GRM8: variants seen among roughly 807,000 people sequenced by gnomAD.
GRM8 encodes the protein metabotropic glutamate receptor 8.
Under a neutral mutation model 87.2 loss-of-function variants are expected in GRM8, and 47 were observed. The ratio of observed to expected loss-of-function variants is 0.54; its 90% CI spans 0.43 to 0.69. GRM8 has a LOEUF of 0.69. GRM8 is among the 30% of genes least tolerant of loss of function. The pLI is 0.00. For missense variants in GRM8, 1,019 were observed against 1,139.2 expected (o/e 0.89, Z 1.52); for synonymous variants, 396 against 404.5 (o/e 0.98, Z 0.25).
chr7:127,002,391 T>C (rs1490309118), intron 3 of GRM8, among the ~76,000 whole-genome samples: 1 of 151,400 alleles, frequency 6.6e-6, no homozygotes, highest in Admixed American at 6.6e-5. Context: ...CCAGAAAAAA[T>C]TTCTTCCTCC....
At chr7:126,872,417 C>T (rs28597738) in intron 6 of GRM8, among the ~76,000 whole-genome samples, 3,763 of 152,150 alleles carry the variant, frequency 0.025, 164 homozygotes, top group African/African-American at 0.085. Flanking sequence ...CTTCCCACCA[C>T]CAAAAGGAAT....
chr7:126,585,366 CACAATCTTCATAAGG>C (rs906571080), intron 8 of GRM8, among the ~76,000 whole-genome samples: 1 of 152,076 alleles, frequency 6.6e-6, no homozygotes, highest in Non-Finnish European at 1.5e-5. Context: ...TTCGTATCAT[CACAATCTTCATAAGG>C]TTTGTCCATT....
At chr7:127,152,891 C>A (rs1792485758) in intron 2 of GRM8, among the ~76,000 whole-genome samples, 1 of 152,168 alleles carries the variant, frequency 6.6e-6, no homozygotes, top group African/African-American at 2.4e-5. Flanking sequence ...AGTTTGGAAC[C>A]ACTTGTCAGT....
At chr7:127,155,599 A>G (rs991017593) in intron 2 of GRM8, among the ~76,000 whole-genome samples, 1 of 152,154 alleles carries the variant, frequency 6.6e-6, no homozygotes, top group African/African-American at 2.4e-5. Flanking sequence ...TTGGAACCAT[A>G]TTGAACCATG....
At position 126,544,913 on chromosome 7, in the gene GRM8, C is replaced by A. The variant is rs148640545; in HGVS notation, c.1495-11026G>T. On this transcript the variant is annotated intron_variant, in intron 8 of 10. Coordinates refer to ENST00000339582, the MANE Select transcript of GRM8 (RefSeq NM_000845.3). ...GAAAAGATATCCACGCTCTACCCAT[C>A]ATTAAATACAGCTGGTCTGTCTAAA... Among the ~76,000 whole-genome samples the A allele has an allele frequency of 4.2e-3, 645 of 152,286 alleles. 2 individuals carry two copies. The highest frequency in any genetic ancestry group is 0.015 in the African/African-American group (624 of 41,566).
rs146163458 is a variant in GRM8, at chr7:126,511,163, T to C, written c.2430+21789A>G. On this transcript the variant is annotated intron_variant, in intron 9 of 10. Coordinates refer to ENST00000339582, the MANE Select transcript of GRM8 (RefSeq NM_000845.3). ...AGTACTGCCAGTAGCAGCTATCCCA[T>C]GGTCTTCACGTAGTTGGGAGACTCA... is the stretch of plus-strand genomic sequence containing the variant. 2.2e-4 allele frequency: 34 copies of C among 152,278 alleles called. No individual in the cohort carries two copies. In the East Asian group the frequency reaches 5.8e-3, roughly 26 times the overall value. 9.4% of individuals were successfully genotyped at this position (152,278 alleles called of 1,614,324 possible).
chr7:126,553,001 T>A (rs762402338), intron 8 of GRM8, among the ~76,000 whole-genome samples: 2 of 152,052 alleles, frequency 1.3e-5, no homozygotes, highest in Non-Finnish European at 2.9e-5. Flanking sequence ...AATGGATGAA[T>A]CCATATAAAG....
At chr7:127,174,130 A>G (rs966531656) in intron 2 of GRM8, among the ~76,000 whole-genome samples, 3 of 152,124 alleles carry the variant, frequency 2.0e-5, no homozygotes, top group African/African-American at 4.8e-5. Context: ...TCTATCCACA[A>G]TTGACTACAA....
intron 2 of GRM8, among the ~76,000 whole-genome samples, chr7:127,204,260 T>C (rs1467135240): frequency 6.6e-6 from 1 of 152,210 alleles, no homozygotes; most frequent in Non-Finnish European, 1.5e-5. Flanking sequence ...TGCATTATTA[T>C]ACATATCTAA....
intron 2 of GRM8, among the ~76,000 whole-genome samples, chr7:127,119,148 G>C (rs1227467830): frequency 6.6e-6 from 1 of 152,238 alleles, no homozygotes; most frequent in African/African-American, 2.4e-5. Flanking sequence ...CCCAAGTTCA[G>C]AGAGAGCACA....
chr7:127,099,094 A>C (rs1824970900), intron 3 of GRM8, among the ~76,000 whole-genome samples: 2 of 152,238 alleles, frequency 1.3e-5, no homozygotes, highest in Non-Finnish European at 2.9e-5. Flanking sequence ...GAACCTGTCT[A>C]AAGACTAAAG....
chr7:127,070,737 G>A (rs1337688505), intron 3 of GRM8, among the ~76,000 whole-genome samples: 1 of 152,144 alleles, frequency 6.6e-6, no homozygotes, highest in Non-Finnish European at 1.5e-5. Context: ...ATTCTGAACT[G>A]AAGGGACTAT....
chr7:126,482,953 G>T (rs1471886572), intron 9 of GRM8, among the ~76,000 whole-genome samples: 1 of 151,218 alleles, frequency 6.6e-6, no homozygotes, highest in African/African-American at 2.4e-5. Flanking sequence ...CATGATTTTG[G>T]TTTTTAAACT....
rs1349367140 is a variant in GRM8, at chr7:126,445,944, C to T, written c.2677+182G>A. 1.2e-4 allele frequency: 79 copies of T among 669,382 alleles called. 1 individual carries two copies. The South Asian group carries it at 1.3e-3, about 11-fold the overall frequency. 41.5% of individuals were successfully genotyped at this position (669,382 alleles called of 1,614,324 possible). Reference sequence around the variant, plus strand: ...GCAAGTTTGTACTCTGTAGAACAGCCGCTCATCTTGAGACCATTTGCTTCG... The same window carrying T: ...GCAAGTTTGTACTCTGTAGAACAGCTGCTCATCTTGAGACCATTTGCTTCG... On this transcript the variant is annotated intron_variant, in intron 10 of 10. Coordinates refer to ENST00000339582, the MANE Select transcript of GRM8 (RefSeq NM_000845.3).
chr7:126,973,213 C>T (rs1391044726), intron 3 of GRM8, among the ~76,000 whole-genome samples: 1 of 152,142 alleles, frequency 6.6e-6, no homozygotes. Context: ...GCAGTAGGGC[C>T]CCAAAATTTG....
At chr7:127,211,694 A>G (rs1796219063) in intron 2 of GRM8, among the ~76,000 whole-genome samples, 1 of 152,066 alleles carries the variant, frequency 6.6e-6, no homozygotes, top group South Asian at 2.1e-4. Flanking sequence ...GAACAAGTTT[A>G]CCCCCGCTTT....
At chr7:126,956,228 T>C (rs1240047660) in intron 3 of GRM8, among the ~76,000 whole-genome samples, 1 of 152,204 alleles carries the variant, frequency 6.6e-6, no homozygotes, top group Non-Finnish European at 1.5e-5. Flanking sequence ...AACATGCATA[T>C]ATGACCACCT....
Position 127,001,864 on chromosome 7 carries a change from ATAGAG to A in GRM8, c.728-97186_728-97182del, listed in dbSNP as rs150192191. ...AATACTACTAGGCAATGATAAGAGA[ATAGAG>A]TATTGTTATTATCATTACATGCAAT... On this transcript the variant is annotated intron_variant, in intron 3 of 10. Transcript: ENST00000339582. 9.0e-3 allele frequency among the ~76,000 whole-genome samples: 1,366 copies of A among 151,828 alleles called. 21 individuals carry two copies. Among genetic ancestry groups the A allele is most frequent in the African/African-American group, 0.031 (1,295 of 41,510 alleles).
intron 7 of GRM8, among the ~76,000 whole-genome samples, chr7:126,666,596 GTTC>G (rs1805794923): frequency 6.6e-6 from 1 of 152,024 alleles, no homozygotes; most frequent in East Asian, 1.9e-4. Flanking sequence ...AAAATAACAT[GTTC>G]CACTCTGGGA....
Sources: gnomAD v4.1 joint callset for allele counts (sites outside exome capture counted in the v4.1 genomes callset) on GRCh38, gnomAD v4.1.1 for gene constraint, MANE v1.5 for transcripts, NCBI Gene and HGNC (gene_info 2026-07-23, HGNC 2026-07-21) for gene names.